Variants in RHPN2 observed in about 807,000 individuals in gnomAD.
RHPN2 encodes the protein rhophilin Rho GTPase binding protein 2, also known as rhophilin-2.
In RHPN2, 40 loss-of-function variants were observed where a neutral mutation model predicts 79.0. The ratio of observed to expected loss-of-function variants is 0.51; its 90% CI spans 0.39 to 0.66. The LOEUF (loss-of-function observed/expected upper bound fraction) is 0.66, where lower values mean the gene tolerates loss of function less well. RHPN2 is among the 30% of genes least tolerant of loss of function. RHPN2 has a pLI of 0.00. For synonymous variants in RHPN2, 285 were observed against 363.5 expected (o/e 0.78, Z 2.46); for missense variants, 686 against 883.5 (o/e 0.78, Z 2.83).
At position 32,990,574 on chromosome 19, in the gene RHPN2, G is replaced by A; in HGVS notation, c.1740C>T (p.Ser580=). The change falls in exon 14 of 15, where the codon AGC becomes AGT. Residue 580 remains serine, a synonymous_variant. Coordinates refer to ENST00000254260, the MANE Select transcript of RHPN2 (RefSeq NM_033103.5). Reference sequence around the variant, plus strand: ...TCATCTCGATCTCGTCCTCGCCAAAGCTCTTCAGCAGCTTCATAACCTCAC... The same window carrying A: ...TCATCTCGATCTCGTCCTCGCCAAAACTCTTCAGCAGCTTCATAACCTCAC... ...TLSEVMKLLK[S]FGEDEIEMKV... is the part of the protein sequence containing the mutation. 1 of 1,613,846 alleles carries A rather than the reference G, an allele frequency of 6.2e-7. No individual in the cohort carries two copies. Among genetic ancestry groups the A allele is most frequent in the South Asian group, 1.1e-5 (1 of 91,074 alleles).
intron 4 of RHPN2, among the ~76,000 whole-genome samples, chr19:33,013,025 AC>A (rs2145239172): frequency 6.6e-6 from 1 of 150,386 alleles, no homozygotes; most frequent in African/African-American, 2.4e-5. Flanking sequence ...ACAGGCGCCC[AC>A]CACAATGTCT....
chr19:33,051,929 TGC>T (rs1972191717), intron 1 of RHPN2, among the ~76,000 whole-genome samples: 1 of 148,998 alleles, frequency 6.7e-6, no homozygotes, highest in African/African-American at 2.5e-5. Flanking sequence ...AGTCGGAGGT[TGC>T]AGTGAGCCGA....
intron 14 of RHPN2, among the ~76,000 whole-genome samples, chr19:32,981,698 TTC>T (rs1327393063): frequency 6.9e-6 from 1 of 145,674 alleles, no homozygotes; most frequent in Non-Finnish European, 1.5e-5. Context: ...TTTCTTTTTT[TTC>T]TTTTTCCTTT....
chr19:32,992,028 C>T (rs1182764268), intron 12 of RHPN2, 59 bp from the exon 13 acceptor site: 48 of 1,605,308 alleles, frequency 3.0e-5, no homozygotes, highest in Non-Finnish European at 3.2e-5. Flanking sequence ...CGCTTGAAAG[C>T]TAAAGGGAAT....
At position 33,002,270 on chromosome 19, in the gene RHPN2, G is replaced by A. The variant is rs556739232; in HGVS notation, c.1082C>T (p.Ala361Val). The A allele has an allele frequency of 2.0e-5, 32 of 1,613,404 alleles. No individual in the cohort carries two copies. The East Asian group carries it at 7.1e-4, about 36-fold the overall frequency. Residue 361 changes from alanine to valine, a missense_variant, in exon 9 of 15, where the codon GCC becomes GTC. Transcript: ENST00000254260. ...ACCCTGGTGGTCGATGAGGAGGATG[G>A]CAGTGAAGTAGTGGGCCAGGGCCGC... Reference protein sequence around the residue: ...HYAALAHYFTAILLIDHQVKP... With the variant: ...HYAALAHYFTVILLIDHQVKP...
intron 1 of RHPN2, among the ~76,000 whole-genome samples, chr19:33,062,094 A>C (rs1972284911): frequency 6.6e-6 from 1 of 152,144 alleles, no homozygotes. Flanking sequence ...TAGCACAACA[A>C]TTGTTACAAG....
chr19:33,034,277 A>C (rs889031451), intron 2 of RHPN2, among the ~76,000 whole-genome samples: 29 of 147,116 alleles, frequency 2.0e-4, no homozygotes, highest in South Asian at 1.4e-3. Flanking sequence ...TTGAGACCAG[A>C]CTGGCCAACA....
chr19:33,011,851 T>C (rs1472185131), intron 5 of RHPN2, 48 bp from the exon 6 acceptor site: 3 of 1,613,480 alleles, frequency 1.9e-6, no homozygotes, highest in Non-Finnish European at 2.5e-6. Context: ...AGGACACAGC[T>C]GATGGCCCTT....
chr19:33,061,346 C>T (rs550819095), intron 1 of RHPN2, among the ~76,000 whole-genome samples: 206 of 151,510 alleles, frequency 1.4e-3, no homozygotes, highest in South Asian at 4.0e-3. Flanking sequence ...GCTGGGACTA[C>T]AGGCACCCGC....
chr19:33,064,749 C>G (rs1972313052), intron 1 of RHPN2, 35 bp downstream of exon 1: 1 of 1,507,882 alleles, frequency 6.6e-7, no homozygotes, highest in Admixed American at 2.0e-5. Flanking sequence ...GTCTGGAGCC[C>G]GCAGGTCCCC....
At chr19:32,990,137 T>TAAAGAAAGAAAGAAAGAAAGAAAGAAAG (rs67167337) in intron 14 of RHPN2, among the ~76,000 whole-genome samples, 9 of 17,882 alleles carry the variant, frequency 5.0e-4, no homozygotes, top group African/African-American at 4.5e-3. Flanking sequence ...AGAAAATGAA[T>TAAAGAAAGAAAGAAAGAAAGAAAGAAAG]AAAGAAAGAA....
At chr19:33,011,834 G>T (rs1971837961) in intron 5 of RHPN2, 31 bp from the exon 6 acceptor site, 1 of 1,613,742 alleles carries the variant, frequency 6.2e-7, no homozygotes. Flanking sequence ...GAGGGCATGA[G>T]CAGAGGAGGA....
intron 11 of RHPN2, among the ~76,000 whole-genome samples, chr19:32,994,509 G>A (rs547055306): frequency 6.6e-6 from 1 of 152,092 alleles, no homozygotes; most frequent in Non-Finnish European, 1.5e-5. Context: ...CTCAACCCCC[G>A]ACCTAGGGTG....
intron 4 of RHPN2, among the ~76,000 whole-genome samples, chr19:33,015,651 T>C (rs546278943): frequency 8.4e-4 from 128 of 152,280 alleles, no homozygotes; most frequent in Middle Eastern, 3.4e-3. Context: ...ACTAAATTAA[T>C]AAGAATTCAA....
Position 33,012,709 on chromosome 19 carries a change from G to T in RHPN2, c.406C>A (p.His136Asn). 6.3e-7 allele frequency: 1 copy of T among 1,596,842 alleles called. No individual in the cohort carries two copies. Among genetic ancestry groups the T allele is most frequent in the Non-Finnish European group, 8.6e-7 (1 of 1,164,326 alleles). The change falls in exon 5 of 15, where the codon CAT (histidine) becomes AAT (asparagine). Residue 136 changes from histidine (H) to asparagine (N), a missense_variant. By Grantham distance (68) the His-to-Asn change is moderately conservative. Transcript: ENST00000254260. Reference sequence around the variant, plus strand: ...TATAAATAGCCATCTTCACTGTAATGTTCCAGGATAAAATCCTTAAAGAAA... The same window carrying T: ...TATAAATAGCCATCTTCACTGTAATTTTCCAGGATAAAATCCTTAAAGAAA... ...AVVLKDFILE[H>N]YSEDGYLYED...
chr19:32,990,848 G>A lies in RHPN2; in HGVS notation c.1645-179C>T, dbSNP rs138662717. The A allele has an allele frequency of 4.6e-5, 29 of 626,016 alleles. 1 individual carries two copies. The highest frequency in any genetic ancestry group is 7.2e-5 in the Non-Finnish European group (25 of 348,896). The allele number at this position is 626,016 out of a possible 1,614,324, so 38.8% of individuals were successfully genotyped here. ...AGTTCAAGACCAGCCTGTACAACAC[G>A]GTGAAACCCATCTCTACTAAAAATA... On this transcript the variant is annotated intron_variant, in intron 13 of 14. Coordinates refer to ENST00000254260, the MANE Select transcript of RHPN2 (RefSeq NM_033103.5).
intron 6 of RHPN2, among the ~76,000 whole-genome samples, chr19:33,011,365 T>C (rs562679410): frequency 6.2e-4 from 95 of 152,274 alleles, no homozygotes; most frequent in African/African-American, 2.2e-3. Flanking sequence ...AGAATCTCGC[T>C]TCTGGCTAAT....
chr19:33,062,868 A>C lies in RHPN2; in HGVS notation c.69+1916T>G, dbSNP rs148396633. Among the ~76,000 whole-genome samples the C allele has an allele frequency of 3.5e-3, 528 of 152,168 alleles. 3 individuals carry two copies. Among genetic ancestry groups the C allele is most frequent in the African/African-American group, 0.012 (494 of 41,510 alleles). The stretch of plus-strand genomic sequence containing the variant: ...GCTCTCTTGCCATCCACTCTTTCCC[A>C]GTGCGGAGCAAGAAGTCCTCCCCTG... On this transcript the variant is annotated intron_variant, in intron 1 of 14. Transcript: ENST00000254260.
At chr19:33,064,673 C>T (rs2145279369) in intron 1 of RHPN2, 111 bp downstream of exon 1, 1 of 1,165,252 alleles carries the variant, frequency 8.6e-7, no homozygotes, top group South Asian at 1.4e-5. Flanking sequence ...CGCCCCCTCC[C>T]CCTCCCGGCC....
Sources: allele counts gnomAD v4.1 joint callset (sites outside exome capture counted in the v4.1 genomes callset), GRCh38; gene constraint gnomAD v4.1.1; transcripts MANE v1.5; gene names NCBI Gene and HGNC (gene_info 2026-07-23, HGNC 2026-07-21).